Variants in DIAPH2 observed in about 807,000 individuals in gnomAD.
DIAPH2 encodes the protein protein diaphanous homolog 2.
Under a neutral mutation model 92.7 loss-of-function variants are expected in DIAPH2, and 35 were observed. The observed-to-expected ratio is 0.38, with a 90% confidence interval of 0.29 to 0.50. The LOEUF is 0.50. Ranked by LOEUF, DIAPH2 falls within the 20% of genes least tolerant of loss-of-function variation. The pLI is 0.94. For synonymous variants in DIAPH2, 301 were observed against 280.4 expected, an observed-to-expected ratio of 1.07 and a Z score of -0.73; for missense variants, 701 against 819.5, an observed-to-expected ratio of 0.86 and a Z score of 1.77.
At chrX:97,340,989 T>G (rs993775941) in intron 23 of DIAPH2, 82 of 102,069 alleles carry the variant, frequency 8.0e-4, no homozygotes, top group African/African-American at 2.8e-3. Context: ...ATAGTAAGTT[T>G]TTTTTTTTTT....
At chrX:96,900,724 T>C (rs745432503) in intron 5 of DIAPH2, among the ~76,000 whole-genome samples, 2 of 112,202 alleles carry the variant, frequency 1.8e-5, no homozygotes, top group African/African-American at 3.2e-5. Context: ...ATGGTTTTTG[T>C]TTTTAATTCT....
At chrX:97,496,168 CTTTTTTTTTTT>C (rs10632820) in intron 26 of DIAPH2, among the ~76,000 whole-genome samples, 2 of 54,090 alleles carry the variant, frequency 3.7e-5, no homozygotes, top group Admixed American at 3.3e-4. Flanking sequence ...GAATTGGTAC[CTTTTTTTTTTT>C]TTTTTTTTTT....
rs138474529 is a variant in DIAPH2, at chrX:97,365,999, A to G, written c.3009+17719A>G. Among the ~76,000 whole-genome samples the G allele has an allele frequency of 5.7e-3, 640 of 111,745 alleles. 2 individuals are homozygous for G. Among genetic ancestry groups the G allele is most frequent in the African/African-American group, 0.02 (607 of 30,767 alleles). ...AGCCATCGCACCCGGTGCTCATATC[A>G]TATTGTTAATGTGGCTTTTGTAATA... is the stretch of plus-strand genomic sequence containing the variant. On this transcript the variant is annotated intron_variant, in intron 24 of 26. Transcript: ENST00000324765.
intron 4 of DIAPH2, among the ~76,000 whole-genome samples, chrX:96,771,021 C>T (rs2064335456): frequency 9.0e-6 from 1 of 111,390 alleles, no homozygotes; most frequent in South Asian, 3.7e-4. Flanking sequence ...GGAACACTAT[C>T]GTATCAGTTC....
intron 23 of DIAPH2, among the ~76,000 whole-genome samples, chrX:97,275,600 A>G (rs2068440707): frequency 2.2e-5 from 2 of 92,038 alleles, no homozygotes; most frequent in Admixed American, 1.2e-4. Flanking sequence ...CACTTCTCAG[A>G]CGGGGCGGCC....
intron 21 of DIAPH2, among the ~76,000 whole-genome samples, chrX:97,117,192 T>C (rs1407429087): frequency 1.8e-5 from 2 of 110,919 alleles, no homozygotes; most frequent in African/African-American, 6.6e-5. Flanking sequence ...AGAAATATCA[T>C]ACACATGCAT....
chrX:97,083,627 C>A (rs913434364), intron 19 of DIAPH2, among the ~76,000 whole-genome samples: 3 of 111,692 alleles, frequency 2.7e-5, no homozygotes, highest in Non-Finnish European at 3.8e-5. Flanking sequence ...CCCAAATTGC[C>A]TCTAGACTTT....
chrX:96,788,881 C>A (rs946242948), intron 4 of DIAPH2, among the ~76,000 whole-genome samples: 4 of 112,250 alleles, frequency 3.6e-5, no homozygotes, highest in South Asian at 7.4e-4. Flanking sequence ...AGATGACAAG[C>A]AATTTGAGGG....
At chrX:97,570,075 AATATATATAT>A (rs1164491863) in intron 26 of DIAPH2, among the ~76,000 whole-genome samples, 465 of 12,087 alleles carry the variant, frequency 0.038, 10 homozygotes, top group Middle Eastern at 0.091. Flanking sequence ...AAGGCCTTCT[AATATATATAT>A]ATATATATAT....
At chrX:97,401,874 C>T (rs968851572) in intron 25 of DIAPH2, among the ~76,000 whole-genome samples, 1 of 112,743 alleles carries the variant, frequency 8.9e-6, no homozygotes, top group Non-Finnish European at 1.9e-5. Context: ...AGCCCACCAC[C>T]TTGTCTACTA....
chrX:96,912,265 G>A, intron 5 of DIAPH2, 63 bp from the exon 6 acceptor site: 1 of 866,680 alleles, frequency 1.2e-6, no homozygotes, highest in Non-Finnish European at 1.6e-6. Flanking sequence ...ATTTTATTTT[G>A]GATATTTAAT....
At chrX:96,917,427 T>TAAA (rs1323256082) in intron 8 of DIAPH2, among the ~76,000 whole-genome samples, 1 of 111,367 alleles carries the variant, frequency 9.0e-6, no homozygotes, top group Non-Finnish European at 1.9e-5. Context: ...ACAAAAATAT[T>TAAA]ATCATATTAA....
intron 26 of DIAPH2, among the ~76,000 whole-genome samples, chrX:97,536,443 A>G (rs980425176): frequency 2.7e-5 from 3 of 112,370 alleles, no homozygotes; most frequent in African/African-American, 6.5e-5. Flanking sequence ...TTATTACTAC[A>G]TGAAATTTAT....
In DIAPH2 at chrX:97,458,235, A is replaced by G. The variant is rs182046031; in HGVS notation, c.3241+28490A>G. 4.7e-5 allele frequency among the ~76,000 whole-genome samples: 5 copies of G among 106,582 alleles called. No individual in the cohort carries two copies. In the East Asian group the frequency reaches 1.2e-3, roughly 25 times the overall value. 92.6% of individuals were successfully genotyped at this position (106,582 alleles called of 115,157 possible). ...GGCTGACTGCTCCACCTTTTCATCTATCTCTCCTTTTTTTCTTGTAATTTT... is the reference window on the plus strand; with the variant it reads ...GGCTGACTGCTCCACCTTTTCATCTGTCTCTCCTTTTTTTCTTGTAATTTT... On this transcript the variant is annotated intron_variant, in intron 26 of 26. Transcript: ENST00000324765.
intron 23 of DIAPH2, among the ~76,000 whole-genome samples, chrX:97,288,628 C>T (rs1337552484): frequency 1.8e-5 from 2 of 108,622 alleles, no homozygotes; most frequent in African/African-American, 6.7e-5. Flanking sequence ...ATAGTCTCAG[C>T]TACTTGGGAG....
At chrX:97,466,853 T>G (rs143831922) in intron 26 of DIAPH2, among the ~76,000 whole-genome samples, 369 of 112,438 alleles carry the variant, frequency 3.3e-3, no homozygotes, top group African/African-American at 0.011. Context: ...TTTTGGTAGC[T>G]TTGTAGCCTG....
intron 26 of DIAPH2, among the ~76,000 whole-genome samples, chrX:97,568,256 G>A (rs758030843): frequency 9.0e-6 from 1 of 110,500 alleles, no homozygotes; most frequent in Admixed American, 9.7e-5. Flanking sequence ...ATAAAAGTTA[G>A]GAGCTGATAA....
intron 26 of DIAPH2, among the ~76,000 whole-genome samples, chrX:97,552,651 A>C (rs2071228776): frequency 1.8e-5 from 2 of 109,970 alleles, no homozygotes; most frequent in African/African-American, 6.6e-5. Context: ...GTTTGTTTTA[A>C]TGATAGTATA....
At chrX:97,336,934 A>ATT (rs77090765) in intron 23 of DIAPH2, among the ~76,000 whole-genome samples, 3 of 109,154 alleles carry the variant, frequency 2.7e-5, no homozygotes, top group Non-Finnish European at 5.7e-5. Flanking sequence ...ATTTAAAAGC[A>ATT]TTTTTTTTAT....
Sources: gnomAD v4.1 joint callset for allele counts (sites outside exome capture counted in the v4.1 genomes callset) on GRCh38, gnomAD v4.1.1 for gene constraint, MANE v1.5 for transcripts, NCBI Gene and HGNC (gene_info 2026-07-23, HGNC 2026-07-21) for gene names.